The following MCM8 variants were observed in gnomAD, a reference collection of about 807,000 sequenced individuals.
The protein encoded by MCM8 is DNA helicase MCM8.
MCM8 carries 85 observed loss-of-function variants against 98.9 expected under a neutral mutation model. The observed-to-expected ratio is 0.86, with a 90% CI of 0.72 to 1.03. The LOEUF (loss-of-function observed/expected upper bound fraction) is 1.03. MCM8 is among the 50% of genes least tolerant of loss of function. The pLI is 0.00. For missense variants in MCM8, 951 were observed against 997.8 expected (o/e 0.95, Z 0.63); for synonymous variants, 352 against 338.6 (o/e 1.04, Z -0.44).
intron 12 of MCM8, among the ~76,000 whole-genome samples, chr20:5,974,190 T>A (rs1212111458): frequency 2.6e-5 from 4 of 152,138 alleles, no homozygotes; most frequent in Admixed American, 6.6e-5. Context: ...TGAAGTACAG[T>A]GGCGCAACTT....
At chr20:5,986,308 G>C (rs2089734273) in intron 16 of MCM8, among the ~76,000 whole-genome samples, 177 bp downstream of exon 16, 1 of 152,188 alleles carries the variant, frequency 6.6e-6, no homozygotes, top group Non-Finnish European at 1.5e-5. Flanking sequence ...ACATATCCAA[G>C]TATAGCTACT....
At chr20:5,987,431 A>G in intron 17 of MCM8, 73 bp downstream of exon 17, 1 of 1,249,586 alleles carries the variant, frequency 8.0e-7, no homozygotes. Flanking sequence ...GTAATAGGCC[A>G]AGGCTACTTT....
At position 5,989,120 on chromosome 20, in the gene MCM8, CT is replaced by C. The variant is rs1172678780; in HGVS notation, c.2240+1778del. Among the ~76,000 whole-genome samples, 294 of 120,180 alleles carry C rather than the reference CT, an allele frequency of 2.4e-3. 1 individual carries two copies. The highest frequency in any genetic ancestry group is 2.2e-3 in the Admixed American group (26 of 11,864). 78.8% of individuals were successfully genotyped at this position (120,180 alleles called of 152,430 possible). On this transcript the variant is annotated intron_variant, in intron 17 of 18. Transcript: ENST00000610722. ...ACTGTTTACTATCAATAGCGCAAGT[CT>C]TTTTTTTTTTTTTTTGAGACAGTCT...
In MCM8 at chr20:5,997,718, C is replaced by T. The variant is rs2089977000; in HGVS notation, c.*3327C>T. On this transcript the variant is annotated 3_prime_UTR_variant, in exon 19 of 19. Transcript: ENST00000610722. ...TCCTGGGCTCAAGCAATCCTCCTAC[C>T]TCAGCCTCCTGAGTAGCTGGAACTA... 1 of 152,320 alleles carries T rather than the reference C, an allele frequency of 6.6e-6. No homozygotes were observed. The allele number at this position is 152,320 out of a possible 1,614,324, so 9.4% of individuals were successfully genotyped here.
chr20:5,987,239 A>G (rs1282600782), intron 16 of MCM8, 43 bp from the exon 17 acceptor site: 8 of 1,558,840 alleles, frequency 5.1e-6, no homozygotes, highest in Non-Finnish European at 7.0e-6. Context: ...TATGGTAAAT[A>G]TATTCATCTT....
chr20:5,989,754 G>T (rs1013260826), intron 17 of MCM8, among the ~76,000 whole-genome samples: 1 of 152,016 alleles, frequency 6.6e-6, no homozygotes, highest in Non-Finnish European at 1.5e-5. Context: ...GGGTAGAAGG[G>T]CACCCATGTC....
At chr20:5,965,485 T>G (rs2089255518) in intron 8 of MCM8, 1 of 152,180 alleles carries the variant, frequency 6.6e-6, no homozygotes, top group Non-Finnish European at 1.5e-5. Context: ...ATGGCGGTCC[T>G]TCTACTCCTT....
At chr20:5,977,351 G>A (rs576507082) in intron 12 of MCM8, among the ~76,000 whole-genome samples, 11 of 152,326 alleles carry the variant, frequency 7.2e-5, no homozygotes, top group Admixed American at 2.6e-4. Flanking sequence ...CCACACAGCT[G>A]GTGCATGGTG....
intron 17 of MCM8, among the ~76,000 whole-genome samples, chr20:5,987,604 C>G (rs1469951474): frequency 1.3e-5 from 2 of 152,158 alleles, no homozygotes; most frequent in African/African-American, 4.8e-5. Context: ...TGGAGAAGAG[C>G]TATTTACCAC....
intron 7 of MCM8, among the ~76,000 whole-genome samples, chr20:5,960,618 T>C (rs1351999689): frequency 6.6e-6 from 1 of 152,212 alleles, no homozygotes; most frequent in East Asian, 1.9e-4. Context: ...CTCCCTAATT[T>C]GTATATTTTA....
intron 17 of MCM8, among the ~76,000 whole-genome samples, chr20:5,991,860 T>C (rs1157010207): frequency 1.3e-5 from 2 of 150,446 alleles, no homozygotes; most frequent in African/African-American, 2.4e-5. Flanking sequence ...AAATCTTCCA[T>C]TTCAGAGTTT....
chr20:5,968,590 A>G (rs111754707), intron 10 of MCM8, among the ~76,000 whole-genome samples: 22 of 152,302 alleles, frequency 1.4e-4, no homozygotes, highest in African/African-American at 4.1e-4. Flanking sequence ...ATAAAGTTCT[A>G]TTGGAACATA....
chr20:5,960,329 G>A, intron 7 of MCM8, among the ~76,000 whole-genome samples: 1 of 152,024 alleles, frequency 6.6e-6, no homozygotes, highest in East Asian at 1.9e-4. Context: ...TGCCCAGGCT[G>A]GAGTGTAGTG....
chr20:5,957,215 A>G lies in MCM8; in HGVS notation c.576A>G (p.Pro192=). 6.2e-7 allele frequency: 1 copy of G among 1,612,912 alleles called. No individual in the cohort carries two copies. The highest frequency in any genetic ancestry group is 8.5e-7 in the Non-Finnish European group (1 of 1,179,296). ...ATGGAGAAACAATGGTAAATGTGCC[A>G]CATATTCATGCAAGGTGAGGAATTT... The part of the protein sequence containing the change: ...SNDGETMVNV[P]HIHARVYNYE... The change falls in exon 6 of 19, where the codon CCA becomes CCG. Residue 192 remains proline, a synonymous_variant. Coordinates refer to ENST00000610722, the MANE Select transcript of MCM8 (RefSeq NM_032485.6).
chr20:5,975,598 G>C (rs1240308679), intron 12 of MCM8, among the ~76,000 whole-genome samples: 1 of 149,920 alleles, frequency 6.7e-6, no homozygotes, highest in Non-Finnish European at 1.5e-5. Flanking sequence ...CCGGGTTCAC[G>C]CCATTCTCCT....
At chr20:5,966,373 TTC>T (rs1210997852) in intron 8 of MCM8, among the ~76,000 whole-genome samples, 2 of 152,268 alleles carry the variant, frequency 1.3e-5, no homozygotes, top group Non-Finnish European at 2.9e-5. Flanking sequence ...ATTTTCTTTG[TTC>T]TGTTTTCTAG....
rs2089003382 is a variant in MCM8 at position 5,957,058 on chromosome 20, A to G, written c.487-68A>G. The G allele has an allele frequency of 3.1e-6, 3 of 954,904 alleles. No individual in the cohort carries two copies. In the African/African-American group the frequency reaches 5.1e-5, roughly 16 times the overall value. The allele number at this position is 954,904 out of a possible 1,614,324, so 59.2% of individuals were successfully genotyped here. A position where few individuals can be genotyped will look rare whatever the true frequency, so the allele number is the denominator to read the frequency against. On this transcript the variant is annotated intron_variant, in intron 5 of 18. Coordinates refer to ENST00000610722, the MANE Select transcript of MCM8 (RefSeq NM_032485.6). ...GTCCATAAACTTTATATTCTCTATAAAAATAGAGTTCTGTATAAAGAGGAT... is the reference window on the plus strand; with the variant it reads ...GTCCATAAACTTTATATTCTCTATAGAAATAGAGTTCTGTATAAAGAGGAT...
chr20:5,952,484 A>G lies in MCM8; in HGVS notation c.209A>G (p.Asp70Gly), dbSNP rs145498575. Reference protein sequence around the residue: ...KTPQSMQSTLDRFIPYKGWKL... With the variant: ...KTPQSMQSTLGRFIPYKGWKL... ...CCACAGTCAATGCAGTCAACATTGG[A>G]TCGATTCATACCATATAAAGGCTGG... Residue 70 changes from aspartate (D) to glycine (G), a missense_variant, in exon 3 of 19, where the codon GAT becomes GGT. By Grantham distance (94) the Asp-to-Gly change is moderately conservative (BLOSUM62 -1). Transcript: ENST00000610722. 951 of 1,614,092 alleles carry G rather than the reference A, an allele frequency of 5.9e-4. 15 individuals are homozygous for G. In the South Asian group the frequency reaches 9.8e-3, roughly 17 times the overall value.
intron 12 of MCM8, among the ~76,000 whole-genome samples, chr20:5,975,982 A>G (rs2089503071): frequency 6.6e-6 from 1 of 151,556 alleles, no homozygotes; most frequent in Admixed American, 6.6e-5. Flanking sequence ...TCCTGAATAG[A>G]GTATGGCATG....
Sources: allele counts gnomAD v4.1 joint callset (sites outside exome capture counted in the v4.1 genomes callset), GRCh38; gene constraint gnomAD v4.1.1; transcripts MANE v1.5; gene names NCBI Gene and HGNC (gene_info 2026-07-23, HGNC 2026-07-21).